Variants in RADIL observed in about 807,000 individuals in gnomAD.
RADIL encodes the protein ras-associating and dilute domain-containing protein.
RADIL carries 99 observed loss-of-function variants against 97.6 expected under a neutral mutation model. The ratio of observed to expected loss-of-function variants is 1.01; its 90% CI spans 0.86 to 1.20. RADIL has a LOEUF of 1.20. RADIL is among the 50% of genes most tolerant of loss of function. The pLI is 0.00. For synonymous variants in RADIL, 803 were observed against 691.8 expected, an observed-to-expected ratio of 1.16 and a Z score of -2.52; for missense variants, 1,765 against 1,498.9, an observed-to-expected ratio of 1.18 and a Z score of -2.93.
intron 2 of RADIL, among the ~76,000 whole-genome samples, chr7:4,876,763 C>T (rs928189303): frequency 6.6e-6 from 1 of 152,228 alleles, no homozygotes; most frequent in Non-Finnish European, 1.5e-5. Flanking sequence ...CGACAATGAT[C>T]GGCTGCCCGT....
rs1322287398 is a variant in RADIL at position 4,883,548 on chromosome 7, C to A, written c.-65+48G>T. 1.3e-5 allele frequency: 2 copies of A among 152,372 alleles called. No individual in the cohort carries two copies. Among genetic ancestry groups the A allele is most frequent in the African/African-American group, 4.8e-5 (2 of 41,432 alleles). 9.4% of individuals were successfully genotyped at this position (152,372 alleles called of 1,614,324 possible). ...GGCAGCGGCCGAGCAGCGCCCCTTACGAGCCACCCCCGGTTCCGCAGTCAC... is the reference window on the plus strand; with the variant it reads ...GGCAGCGGCCGAGCAGCGCCCCTTAAGAGCCACCCCCGGTTCCGCAGTCAC... On this transcript the variant is annotated intron_variant, in intron 1 of 14. Transcript: ENST00000399583. This position sits in a 1 kb window ranked among gnomAD's most constrained non-coding sequence, Gnocchi z 7.1.
intron 2 of RADIL, among the ~76,000 whole-genome samples, chr7:4,850,307 G>A (rs577351531): frequency 6.8e-6 from 1 of 146,914 alleles, no homozygotes; most frequent in Non-Finnish European, 1.5e-5. Flanking sequence ...AATAATATAA[G>A]CACAGAAAAA....
rs556540839 is a variant in RADIL at position 4,840,606 on chromosome 7, G to T, written c.536-4001C>A. Reference sequence around the variant, plus strand: ...TGCCAAGAACAGGGTCACCCCAGGGGCCCTTATGCTACCAATGGGAGATTC... The same window carrying T: ...TGCCAAGAACAGGGTCACCCCAGGGTCCCTTATGCTACCAATGGGAGATTC... On this transcript the variant is annotated intron_variant, in intron 2 of 14. Coordinates refer to ENST00000399583, the MANE Select transcript of RADIL (RefSeq NM_018059.5). The surrounding 1 kb of genome is among the most constrained non-coding windows in gnomAD (Gnocchi z 5.6). 1.3e-5 allele frequency among the ~76,000 whole-genome samples: 2 copies of T among 152,284 alleles called. No homozygotes were observed. The highest frequency in any genetic ancestry group is 2.9e-5 in the Non-Finnish European group (2 of 68,026).
At chr7:4,846,587 C>T (rs1783580518) in intron 2 of RADIL, among the ~76,000 whole-genome samples, 1 of 149,904 alleles carries the variant, frequency 6.7e-6, no homozygotes, top group South Asian at 2.1e-4. Context: ...CTCTTGTTGC[C>T]CAGGCTGGAG....
chr7:4,800,369 T>C, intron 12 of RADIL, 59 bp from the exon 13 acceptor site: 1 of 1,399,802 alleles, frequency 7.1e-7, no homozygotes, highest in South Asian at 1.5e-5. Context: ...CGACGAGGAA[T>C]GGGATGTCCT....
rs759107165 is a variant in RADIL, at chr7:4,822,605, G to A, written c.1455-51C>T. On this transcript the variant is annotated intron_variant, in intron 5 of 14. Transcript: ENST00000399583. This position sits in a 1 kb window ranked among gnomAD's most constrained non-coding sequence, Gnocchi z 5.3. ...TACGCGGGGACCCGACCCTCAGGAG[G>A]CTGAATCTACCACTCTTTCTACATA... The A allele has an allele frequency of 2.5e-6, 4 of 1,578,060 alleles. No individual in the cohort carries two copies. The African/African-American group carries it at 4.1e-5, about 16-fold the overall frequency.
rs1389214185 is a variant in RADIL at position 4,877,904 on chromosome 7, T to C, written c.236A>G (p.Lys79Arg). ...GDSVCTGTHYKSVLATGTSSA... is the reference protein window; with the variant it reads ...GDSVCTGTHYRSVLATGTSSA... Reference sequence around the variant, plus strand: ...GGAGGTGCCGGTGGCCAGGACGCTCTTGTAGTGGGTTCCTGTGCAGACACT... The same window carrying C: ...GGAGGTGCCGGTGGCCAGGACGCTCCTGTAGTGGGTTCCTGTGCAGACACT... The change falls in exon 2 of 15, where the codon AAG (lysine) becomes AGG (arginine). Residue 79 changes from lysine (K) to arginine (R), a missense_variant. By Grantham distance (26) the Lys-to-Arg change is conservative. Transcript: ENST00000399583. 1.7e-5 allele frequency: 28 copies of C among 1,606,066 alleles called. No homozygotes were observed. Among genetic ancestry groups the C allele is most frequent in the Non-Finnish European group, 2.3e-5 (27 of 1,179,958 alleles).
At position 4,879,645 on chromosome 7, in the gene RADIL, C is replaced by T. The variant is rs1370568022; in HGVS notation, c.-64-1442G>A. 6.6e-6 allele frequency among the ~76,000 whole-genome samples: 1 copy of T among 152,170 alleles called. No homozygotes were observed. Among genetic ancestry groups the T allele is most frequent in the Non-Finnish European group, 1.5e-5 (1 of 68,030 alleles). On this transcript the variant is annotated intron_variant, in intron 1 of 14. Transcript: ENST00000399583. The surrounding 1 kb of genome is among the most constrained non-coding windows in gnomAD (Gnocchi z 4.1). ...CACTGTCCAGGCTTGACTCACTCGT[C>T]ACGCTGCGGGCGCTGCAAAAGGCTT...
intron 2 of RADIL, among the ~76,000 whole-genome samples, chr7:4,876,369 C>T (rs1431095368): frequency 1.3e-5 from 2 of 152,014 alleles, no homozygotes; most frequent in Non-Finnish European, 2.9e-5. Context: ...GGCATGATCT[C>T]GGCTCACTGC....
At chr7:4,865,203 C>A (rs1447675763) in intron 2 of RADIL, among the ~76,000 whole-genome samples, 2 of 152,196 alleles carry the variant, frequency 1.3e-5, no homozygotes, top group East Asian at 3.8e-4. Context: ...TTCCCTCACC[C>A]CCCATTCCAA....
At chr7:4,848,216 CAA>C (rs34341810) in intron 2 of RADIL, among the ~76,000 whole-genome samples, 5 of 129,194 alleles carry the variant, frequency 3.9e-5, no homozygotes, top group Non-Finnish European at 6.7e-5. Flanking sequence ...GACCCCGTCT[CAA>C]AAAAAAAAAA....
In RADIL at chr7:4,805,117, G is replaced by A. The variant is rs113676984; in HGVS notation, c.2290+449C>T. On this transcript the variant is annotated intron_variant, in intron 10 of 14. Coordinates refer to ENST00000399583, the MANE Select transcript of RADIL (RefSeq NM_018059.5). The stretch of plus-strand genomic sequence containing the variant: ...CTCAAAAATAAAAATAAAATAAAAC[G>A]CACCCCTATGTATGCACGTACACAT... 26 of 158,834 alleles carry A rather than the reference G, an allele frequency of 1.6e-4. 1 individual carries two copies. Among genetic ancestry groups the A allele is most frequent in the African/African-American group, 4.3e-4 (18 of 41,808 alleles). 9.8% of individuals were successfully genotyped at this position (158,834 alleles called of 1,614,324 possible).
intron 2 of RADIL, among the ~76,000 whole-genome samples, chr7:4,853,764 C>T (rs1014769072): frequency 2.3e-5 from 3 of 127,832 alleles, no homozygotes; most frequent in Non-Finnish European, 3.3e-5. Context: ...AAAAAAAATA[C>T]GCTGGGTGTA....
chr7:4,860,817 T>C (rs370015081), intron 2 of RADIL: 27 of 1,614,078 alleles, frequency 1.7e-5, no homozygotes, highest in African/African-American at 5.3e-5. Context: ...CTGGTTGAAA[T>C]AGACACGTTG....
intron 2 of RADIL, among the ~76,000 whole-genome samples, chr7:4,866,162 T>C (rs530074296): frequency 7.2e-5 from 11 of 152,298 alleles, no homozygotes; most frequent in African/African-American, 2.6e-4. Flanking sequence ...ATGTGTGTTT[T>C]AAGAGATAAG....
rs186021127 is a variant in RADIL at position 4,805,740 on chromosome 7, G to A, written c.2140-24C>T. 6 of 1,596,876 alleles carry A rather than the reference G, an allele frequency of 3.8e-6. No homozygotes were observed. The African/African-American group carries it at 6.7e-5, about 18-fold the overall frequency. On this transcript the variant is annotated intron_variant, in intron 9 of 14. Coordinates refer to ENST00000399583, the MANE Select transcript of RADIL (RefSeq NM_018059.5). ...ATCTGGGTGACAAGAAGGAGCTCAT[G>A]GTCACAGGTCTCTGGGTGCAGACCC...
At chr7:4,827,193 C>T (rs1293453497) in intron 5 of RADIL, among the ~76,000 whole-genome samples, 7 of 151,718 alleles carry the variant, frequency 4.6e-5, no homozygotes, top group Admixed American at 2.0e-4. Context: ...GGTGAAACCC[C>T]GTCTTTACTG....
chr7:4,846,847 A>T (rs1247170516), intron 2 of RADIL, among the ~76,000 whole-genome samples: 1 of 152,138 alleles, frequency 6.6e-6, no homozygotes, highest in East Asian at 1.9e-4. Flanking sequence ...GTGCCCAGCC[A>T]CAACCACATT....
rs140950089 is a variant in RADIL at position 4,868,362 on chromosome 7, A to G, written c.535+9243T>C. On this transcript the variant is annotated intron_variant, in intron 2 of 14. Transcript: ENST00000399583. ...CAGGTGTGAGCCACCTTGCCCGGCC[A>G]TGAACTGTTGTTTTTTAAATAACAT... 6.7e-3 allele frequency among the ~76,000 whole-genome samples: 1,023 copies of G among 152,290 alleles called. 10 individuals are homozygous for G. Among genetic ancestry groups the G allele is most frequent in the African/African-American group, 0.023 (973 of 41,556 alleles).
Sources: gnomAD v4.1 joint callset for allele counts (sites outside exome capture counted in the v4.1 genomes callset) on GRCh38, gnomAD v4.1.1 for gene constraint, Gnocchi (gnomAD v3.1) non-coding constraint, MANE v1.5 for transcripts, NCBI Gene and HGNC (gene_info 2026-07-23, HGNC 2026-07-21) for gene names.